The following PDE1A variants were observed in gnomAD, a reference collection of about 807,000 sequenced individuals.
PDE1A encodes phosphodiesterase 1A, also known as dual specificity calcium/calmodulin-dependent 3',5'-cyclic nucleotide phosphodiesterase 1A.
Under a neutral mutation model 61.7 loss-of-function variants are expected in PDE1A, and 35 were observed. The ratio of observed to expected loss-of-function variants is 0.57; its 90% CI spans 0.43 to 0.75. PDE1A has a LOEUF of 0.75. Among genes scored for constraint, PDE1A ranks in the 30% least tolerant of loss-of-function variants. PDE1A has a pLI of 0.00. For missense variants in PDE1A, 597 were observed against 630.6 expected (o/e 0.95, Z 0.57); for synonymous variants, 232 against 213.2 (o/e 1.09, Z -0.77).
chr2:182,386,982 G>A (rs961170921), intron 1 of PDE1A, among the ~76,000 whole-genome samples: 14 of 152,250 alleles, frequency 9.2e-5, no homozygotes, highest in Non-Finnish European at 1.5e-5. Context: ...TAGAAAAGGG[G>A]GAAAGGTGGG....
At chr2:182,488,563 A>T (rs531258796) in intron 2 of PDE1A, among the ~76,000 whole-genome samples, 1 of 152,208 alleles carries the variant, frequency 6.6e-6, no homozygotes, top group Non-Finnish European at 1.5e-5. Flanking sequence ...ACATGTTAAC[A>T]CTATACTATT....
At chr2:182,346,039 A>C (rs189011178) in intron 1 of PDE1A, among the ~76,000 whole-genome samples, 1 of 152,332 alleles carries the variant, frequency 6.6e-6, no homozygotes, top group African/African-American at 2.4e-5. Context: ...AATGTTCCTT[A>C]AAGGAATATA....
chr2:182,453,630 T>C (rs1386477096), intron 2 of PDE1A, among the ~76,000 whole-genome samples: 4 of 151,412 alleles, frequency 2.6e-5, no homozygotes, highest in South Asian at 2.1e-4. Context: ...AATCAATAAA[T>C]GTAATCCAGC....
intron 13 of PDE1A, among the ~76,000 whole-genome samples, chr2:182,151,140 T>A (rs1217994182): frequency 6.6e-6 from 1 of 152,160 alleles, no homozygotes; most frequent in Non-Finnish European, 1.5e-5. Context: ...CAGGCTGGAG[T>A]GCAATGGTGC....
chr2:182,585,668 A>G, the PDE1A span, among the ~76,000 whole-genome samples: 1 of 152,204 alleles, frequency 6.6e-6, no homozygotes, highest in Non-Finnish European at 1.5e-5. Flanking sequence ...CAAGAAGGGC[A>G]ATATCTGTGC....
intron 2 of PDE1A, among the ~76,000 whole-genome samples, chr2:182,489,345 T>C (rs1688232855): frequency 6.6e-6 from 1 of 152,190 alleles, no homozygotes; most frequent in Non-Finnish European, 1.5e-5. Context: ...GGATGTTTGA[T>C]TTTACTCTGA....
At chr2:182,420,219 G>GT (rs1041301968) in intron 1 of PDE1A, among the ~76,000 whole-genome samples, 14 of 151,758 alleles carry the variant, frequency 9.2e-5, no homozygotes, top group African/African-American at 2.4e-4. Context: ...GTTTTGTTTT[G>GT]TTTTTTTCAC....
the PDE1A span, among the ~76,000 whole-genome samples, chr2:182,536,282 A>G: frequency 6.6e-6 from 1 of 152,226 alleles, no homozygotes; most frequent in East Asian, 1.9e-4. Flanking sequence ...ATAAAAACCA[A>G]TTCACATTTA....
At chr2:182,617,310 C>G in the PDE1A span, among the ~76,000 whole-genome samples, 3 of 152,208 alleles carry the variant, frequency 2.0e-5, no homozygotes, top group Admixed American at 1.3e-4. Context: ...GTGTCAACAC[C>G]CCACACATGT....
chr2:182,381,725 T>C (rs993509151), intron 1 of PDE1A, among the ~76,000 whole-genome samples: 1 of 151,888 alleles, frequency 6.6e-6, no homozygotes, highest in Admixed American at 6.6e-5. Context: ...GGCGGGAGAA[T>C]CGCTTGAACC....
intron 2 of PDE1A, among the ~76,000 whole-genome samples, chr2:182,487,129 G>C (rs776918174): frequency 4.7e-4 from 72 of 152,108 alleles, no homozygotes; most frequent in Non-Finnish European, 7.6e-4. Flanking sequence ...TTCTATCAAA[G>C]AGGCTATACA....
chr2:182,240,573 A>G (rs934575386), intron 2 of PDE1A, among the ~76,000 whole-genome samples: 3 of 152,196 alleles, frequency 2.0e-5, no homozygotes, highest in South Asian at 2.1e-4. Context: ...CCGACTGTTA[A>G]TATCTTTAGT....
the PDE1A span, among the ~76,000 whole-genome samples, chr2:182,550,875 G>A: frequency 6.6e-6 from 1 of 152,032 alleles, no homozygotes; most frequent in African/African-American, 2.4e-5. Context: ...GGAGCATAGA[G>A]GCAAGAGGGG....
At chr2:182,264,311 C>G (rs765923543) in exon 2 of PDE1A, 1 of 1,602,894 alleles carries the variant, frequency 6.2e-7, no homozygotes, top group Admixed American at 1.7e-5. Context: ...CTTGTTTCAT[C>G]GATATAAACT....
intron 1 of PDE1A, among the ~76,000 whole-genome samples, chr2:182,329,096 C>T (rs111574278): frequency 0.011 from 1,690 of 152,198 alleles, 25 homozygotes; most frequent in South Asian, 0.069. Context: ...TTATACACAA[C>T]AAAAATAAAA....
At chr2:182,152,412 C>CTTTTTTTTTTTT (rs559392112) in intron 13 of PDE1A, among the ~76,000 whole-genome samples, 4 of 75,290 alleles carry the variant, frequency 5.3e-5, no homozygotes, top group Non-Finnish European at 2.4e-5. Context: ...TTTTTTTCCT[C>CTTTTTTTTTTTT]TTTTTTTTTT....
chr2:182,241,752 T>A, intron 2 of PDE1A: 1 of 1,209,640 alleles, frequency 8.3e-7, no homozygotes, highest in African/African-American at 1.5e-5. Context: ...TGTATACATA[T>A]AACGATAAAA....
chr2:182,298,934 A>G (rs1468999469), intron 1 of PDE1A, among the ~76,000 whole-genome samples: 2 of 152,034 alleles, frequency 1.3e-5, no homozygotes, highest in Admixed American at 1.3e-4. Context: ...GGAGCTGAAA[A>G]AGCTAGTATT....
At chr2:182,450,170 A>G (rs527296314) in intron 2 of PDE1A, among the ~76,000 whole-genome samples, 10 of 152,166 alleles carry the variant, frequency 6.6e-5, no homozygotes, top group African/African-American at 2.4e-4. Context: ...ATCTTTAATT[A>G]CTCCTACTGC....
Sources: allele counts gnomAD v4.1 joint callset (sites outside exome capture counted in the v4.1 genomes callset), GRCh38; gene constraint gnomAD v4.1.1; transcripts MANE v1.5; gene names NCBI Gene and HGNC (gene_info 2026-07-23, HGNC 2026-07-21).